Variants in TMPRSS2 observed in about 807,000 individuals in gnomAD.
The protein encoded by TMPRSS2 is transmembrane serine protease 2, also known as transmembrane protease serine 2.
Under a neutral mutation model 67.4 loss-of-function variants are expected in TMPRSS2, and 59 were observed. The observed-to-expected ratio is 0.88, with a 90% CI of 0.71 to 1.09. The LOEUF (loss-of-function observed/expected upper bound fraction) is 1.09. Among genes scored for constraint, TMPRSS2 ranks in the 50% least tolerant of loss-of-function variants. TMPRSS2 has a pLI of 0.00. For synonymous variants in TMPRSS2, 257 were observed against 257.0 expected (o/e 1.00, Z 0.00); for missense variants, 668 against 642.7 (o/e 1.04, Z -0.43).
At chr21:41,466,693 G>A (rs907572418) in intron 13 of TMPRSS2, among the ~76,000 whole-genome samples, 3 of 152,190 alleles carry the variant, frequency 2.0e-5, no homozygotes, top group East Asian at 1.9e-4. Flanking sequence ...GACACAGGTC[G>A]GGCCTCAGCG....
rs1382672119 is a variant in TMPRSS2 at position 41,465,914 on chromosome 21, C to T, written c.*228G>A. 3 of 596,892 alleles carry T rather than the reference C, an allele frequency of 5.0e-6. No homozygotes were observed. In the African/African-American group the frequency reaches 5.6e-5, roughly 11 times the overall value. The allele number at this position is 596,892 out of a possible 1,614,324, so 37.0% of individuals were successfully genotyped here. On this transcript the variant is annotated 3_prime_UTR_variant, in exon 14 of 14. Transcript: ENST00000332149. ...ACACTTGACCGCCAGTGCCCACAAC[C>T]AGCCGGCCATCACCCCTTGCGGACA...
intron 5 of TMPRSS2, among the ~76,000 whole-genome samples, chr21:41,484,563 T>C (rs1221318107): frequency 6.6e-6 from 1 of 152,172 alleles, no homozygotes; most frequent in Non-Finnish European, 1.5e-5. Flanking sequence ...CCTATGCCTG[T>C]TCTGGTCTAA....
rs185296080 is a variant in TMPRSS2 at position 41,503,366 on chromosome 21, A to T, written c.-57+4715T>A. The stretch of plus-strand genomic sequence containing the variant: ...CAAGCCACTGGCTGAGGCTTAAAGA[A>T]CTTGTCCAAGTCAATCTGTAAAATG... On this transcript the variant is annotated intron_variant, in intron 1 of 13. Transcript: ENST00000332149. 2.6e-5 allele frequency among the ~76,000 whole-genome samples: 4 copies of T among 152,284 alleles called. No individual in the cohort carries two copies. In the East Asian group the frequency reaches 7.7e-4, roughly 29 times the overall value.
At chr21:41,485,886 A>C (rs1251744531) in intron 5 of TMPRSS2, among the ~76,000 whole-genome samples, 1 of 152,226 alleles carries the variant, frequency 6.6e-6, no homozygotes, top group African/African-American at 2.4e-5. Flanking sequence ...CAAGGCCGGC[A>C]CGAGGGCCGA....
chr21:41,466,150 C>T lies in TMPRSS2; in HGVS notation c.1471G>A (p.Asp491Asn), dbSNP rs779875214. 1.9e-6 allele frequency: 3 copies of T among 1,614,024 alleles called. No homozygotes were observed. The East Asian group carries it at 6.7e-5, about 36-fold the overall frequency. Reference sequence around the variant, plus strand: ...GACGAAGACCATGTGGATTAGCCGTCTGCCTGTTCAAATAGGAAAAAAAAA... The same window carrying T: ...GACGAAGACCATGTGGATTAGCCGTTTGCCTGTTCAAATAGGAAAAAAAAA... ...TDWIYRQMRA[D>N]G The change falls in exon 14 of 14, where the codon GAC becomes AAC. Residue 491 changes from aspartate (D) to asparagine (N), a missense_variant. Transcript: ENST00000332149.
Position 41,494,450 on chromosome 21 carries a change from G to C in TMPRSS2, c.144C>G (p.Pro48=), listed in dbSNP as rs149527323. ...GGACCCTCGGGGCGTACTGGGGCAC[G>C]GGGGACGGGTAGTACTGAGCCGGAT... ...EVHPAQYYPS[P]VPQYAPRVLT... Residue 48 remains proline (P), a synonymous_variant, in exon 3 of 14, where the codon CCC becomes CCG. Transcript: ENST00000332149. The C allele has an allele frequency of 1.9e-5, 30 of 1,613,592 alleles. No individual in the cohort carries two copies. In the South Asian group the frequency reaches 2.0e-4, roughly 11 times the overall value.
intron 2 of TMPRSS2, among the ~76,000 whole-genome samples, chr21:41,496,180 C>A (rs2091380958): frequency 6.6e-6 from 1 of 152,206 alleles, no homozygotes; most frequent in Admixed American, 6.5e-5. Context: ...ACCATAATCC[C>A]TCCCGCTGCC....
chr21:41,482,202 A>G (rs576181035), intron 5 of TMPRSS2, among the ~76,000 whole-genome samples: 18 of 152,294 alleles, frequency 1.2e-4, no homozygotes, highest in African/African-American at 3.9e-4. Context: ...ATTTAAAGAA[A>G]CAAAACATTA....
At chr21:41,481,169 G>T (rs533571483) in intron 5 of TMPRSS2, among the ~76,000 whole-genome samples, 1 of 152,184 alleles carries the variant, frequency 6.6e-6, no homozygotes. Context: ...GCTGAAAGGC[G>T]AAAACACTCC....
intron 1 of TMPRSS2, among the ~76,000 whole-genome samples, chr21:41,505,927 G>A (rs1034590625): frequency 6.6e-6 from 1 of 152,144 alleles, no homozygotes; most frequent in East Asian, 1.9e-4. Context: ...CCCCAGTTCT[G>A]CCCCTTACAG....
chr21:41,494,513 G>C lies in TMPRSS2; in HGVS notation c.81C>G (p.Pro27=), dbSNP rs141685390. 7.9e-5 allele frequency: 127 copies of C among 1,614,056 alleles called. No homozygotes were observed. The East Asian group carries it at 1.4e-3, about 18-fold the overall frequency. ...CAGTGGGGACCACAGTGGGCTGTGCGGGATAGGGGTTTTCCGGTTGGTATC... is the reference window on the plus strand; with the variant it reads ...CAGTGGGGACCACAGTGGGCTGTGCCGGATAGGGGTTTTCCGGTTGGTATC... ...NHGYQPENPY[P]AQPTVVPTVY... Residue 27 remains proline (P), a synonymous_variant, in exon 3 of 14, where the codon CCC becomes CCG. Transcript: ENST00000332149.
intron 6 of TMPRSS2, among the ~76,000 whole-genome samples, 158 bp downstream of exon 6, chr21:41,480,318 G>A (rs1385878643): frequency 1.3e-5 from 2 of 152,230 alleles, no homozygotes; most frequent in Non-Finnish European, 2.9e-5. Context: ...GCCCTAGCAG[G>A]ACAAATTCCA....
rs1296490934 is a variant in TMPRSS2, at chr21:41,478,916, G to A, written c.683+256C>T. 1.3e-5 allele frequency among the ~76,000 whole-genome samples: 2 copies of A among 152,330 alleles called. No homozygotes were observed. Among genetic ancestry groups the A allele is most frequent in the East Asian group, 3.9e-4 (2 of 5,188 alleles). ...ATAGAGTTGAATGTCGATGTTGCAA[G>A]TGTGAGCCGCTACCAACAAGGGCAG... On this transcript the variant is annotated intron_variant, in intron 7 of 13. Coordinates refer to ENST00000332149, the MANE Select transcript of TMPRSS2 (RefSeq NM_005656.4). The surrounding 1 kb of genome is among the most constrained non-coding windows in gnomAD (Gnocchi z 4.0).
intron 2 of TMPRSS2, among the ~76,000 whole-genome samples, chr21:41,496,776 C>T (rs2091385397): frequency 6.6e-6 from 1 of 151,354 alleles, no homozygotes; most frequent in South Asian, 2.1e-4. Flanking sequence ...ATCTAAGGGC[C>T]CCCATGCAAA....
rs756073414 is a variant in TMPRSS2, at chr21:41,466,148, G to A, written c.1473C>T (p.Asp491=). ...TDWIYRQMRA[D]G ...AGGACGAAGACCATGTGGATTAGCC[G>A]TCTGCCTGTTCAAATAGGAAAAAAA... Residue 491 remains aspartate (D), a synonymous_variant, in exon 14 of 14, where the codon GAC becomes GAT. Transcript: ENST00000332149. The A allele has an allele frequency of 1.7e-4, 274 of 1,613,796 alleles. No individual in the cohort carries two copies. The highest frequency in any genetic ancestry group is 1.6e-4 in the Middle Eastern group (1 of 6,084).
chr21:41,477,210 T>C (rs8131649), intron 7 of TMPRSS2, among the ~76,000 whole-genome samples: 99,981 of 151,568 alleles, frequency 0.66, 34,319 homozygotes, highest in Middle Eastern at 0.78. Context: ...CCCGCCCTGA[T>C]AGCTGGGCCG....
intron 3 of TMPRSS2, among the ~76,000 whole-genome samples, chr21:41,493,044 TGAGCAGCATCCCCGGTGCCTACCTAG>T (rs1275043992): frequency 1.3e-5 from 2 of 152,170 alleles, no homozygotes; most frequent in African/African-American, 4.8e-5. Flanking sequence ...TGCGGGAGGT[TGAGCAGCATCCCCGGTGCCTACCTAG>T]GAGCAGCACC....
rs1230485933 is a variant in TMPRSS2, at chr21:41,468,597, C to T, written c.1172-59G>A. ...TTGCCTGCAGCTCTCGCAGGGAGAGCACACTTCCCTCCCTGAGACCTCCAC... is the reference window on the plus strand; with the variant it reads ...TTGCCTGCAGCTCTCGCAGGGAGAGTACACTTCCCTCCCTGAGACCTCCAC... On this transcript the variant is annotated intron_variant, in intron 11 of 13. Transcript: ENST00000332149. 2.5e-6 allele frequency: 4 copies of T among 1,589,262 alleles called. No homozygotes were observed. The African/African-American group carries it at 4.0e-5, about 16-fold the overall frequency.
At chr21:41,467,984 G>A in intron 12 of TMPRSS2, 98 bp from the exon 13 acceptor site, 1 of 1,383,448 alleles carries the variant, frequency 7.2e-7, no homozygotes, top group Non-Finnish European at 1.0e-6. Flanking sequence ...GGGGGTCGCA[G>A]TGTGAGTTAC....
Sources: allele counts gnomAD v4.1 joint callset (sites outside exome capture counted in the v4.1 genomes callset), GRCh38; gene constraint gnomAD v4.1.1; non-coding constraint Gnocchi (gnomAD v3.1); transcripts MANE v1.5; gene names NCBI Gene and HGNC (gene_info 2026-07-23, HGNC 2026-07-21).